FGGY: variants seen among roughly 807,000 people sequenced by gnomAD.
FGGY encodes FGGY carbohydrate kinase domain containing, also known as FGGY carbohydrate kinase domain-containing protein.
Under a neutral mutation model 71.3 loss-of-function variants are expected in FGGY, and 72 were observed. That is an observed-to-expected ratio of 1.01 (90% CI 0.84 to 1.23). FGGY has a LOEUF of 1.23. Ranked by LOEUF, FGGY falls within the 50% of genes most tolerant of loss-of-function variation. The pLI is 0.00. For missense variants in FGGY, 668 were observed against 682.3 expected (o/e 0.98, Z 0.23); for synonymous variants, 251 against 250.3 (o/e 1.00, Z -0.02).
chr1:59,442,481 C>T (rs1557938662), intron 5 of FGGY, among the ~76,000 whole-genome samples: 1 of 152,100 alleles, frequency 6.6e-6, no homozygotes, highest in Non-Finnish European at 1.5e-5. Context: ...TCCCTCTTTT[C>T]CTGTCCTTCC....
chr1:59,758,753 C>T (rs1183996628), intron 15 of FGGY, among the ~76,000 whole-genome samples: 1 of 152,168 alleles, frequency 6.6e-6, no homozygotes, highest in Non-Finnish European at 1.5e-5. Context: ...CTATAAACAA[C>T]TCATAATCCA....
intron 7 of FGGY, among the ~76,000 whole-genome samples, chr1:59,517,001 C>T (rs1301646423): frequency 2.0e-5 from 3 of 152,086 alleles, no homozygotes; most frequent in African/African-American, 7.2e-5. Flanking sequence ...GAATAAAAAT[C>T]AATGATAAAA....
At chr1:59,323,882 A>C (rs2046849838) in intron 2 of FGGY, among the ~76,000 whole-genome samples, 1 of 152,204 alleles carries the variant, frequency 6.6e-6, no homozygotes. Context: ...TGAATTTCTA[A>C]GACAAAATAC....
chr1:59,680,868 A>T (rs949977684), intron 14 of FGGY: 3 of 152,188 alleles, frequency 2.0e-5, no homozygotes, highest in Non-Finnish European at 2.9e-5. Context: ...GTAGATACAT[A>T]TACATTGCTA....
chr1:59,546,583 G>A (rs568422024), intron 7 of FGGY, among the ~76,000 whole-genome samples: 44 of 151,924 alleles, frequency 2.9e-4, no homozygotes, highest in African/African-American at 1.0e-3. Flanking sequence ...GTTTCCCAGT[G>A]CAATGGCGCG....
chr1:59,427,686 G>C (rs1330621582), intron 5 of FGGY, among the ~76,000 whole-genome samples: 1 of 152,196 alleles, frequency 6.6e-6, no homozygotes, highest in African/African-American at 2.4e-5. Context: ...AATCTGCTGA[G>C]TGCAGCAACC....
intron 7 of FGGY, among the ~76,000 whole-genome samples, chr1:59,537,803 G>A (rs1186518650): frequency 4.6e-5 from 7 of 152,132 alleles, no homozygotes; most frequent in African/African-American, 1.7e-4. Flanking sequence ...TATGGAGAAA[G>A]CTGAAACTAG....
chr1:59,669,784 G>C (rs2097361011), intron 13 of FGGY, among the ~76,000 whole-genome samples: 1 of 152,128 alleles, frequency 6.6e-6, no homozygotes, highest in African/African-American at 2.4e-5. Context: ...CAGTACTCTA[G>C]AAAATGGGAA....
At position 59,401,857 on chromosome 1, in the gene FGGY, C is replaced by T. The variant is rs1402111086; in HGVS notation, c.554+23020C>T. 6.6e-5 allele frequency among the ~76,000 whole-genome samples: 10 copies of T among 152,186 alleles called. No individual in the cohort carries two copies. The South Asian group carries it at 2.1e-3, about 32-fold the overall frequency. ...AAAGGAAACATGAGGAACAGTGAAT[C>T]GTGGTAGGATTATGGAGAGGAGGAG... On this transcript the variant is annotated intron_variant, in intron 5 of 15. Transcript: ENST00000303721.
intron 14 of FGGY, among the ~76,000 whole-genome samples, chr1:59,753,274 T>G (rs1311528021): frequency 6.6e-6 from 1 of 151,864 alleles, no homozygotes; most frequent in Non-Finnish European, 1.5e-5. Flanking sequence ...TGCAGCCAAG[T>G]GGGATCATGA....
intron 6 of FGGY, 91 bp downstream of exon 6, chr1:59,457,167 T>C: frequency 1.1e-6 from 1 of 916,338 alleles, no homozygotes; most frequent in Non-Finnish European, 1.7e-6. Flanking sequence ...TTCTTGTTTT[T>C]GTATGCATGA....
intron 9 of FGGY, among the ~76,000 whole-genome samples, chr1:59,624,639 A>G (rs1292065621): frequency 6.6e-6 from 1 of 152,178 alleles, no homozygotes; most frequent in Non-Finnish European, 1.5e-5. Flanking sequence ...CAATCATAGC[A>G]GAAGGCGAAA....
At chr1:59,350,754 C>T (rs76095104) in intron 4 of FGGY, among the ~76,000 whole-genome samples, 2,605 of 152,250 alleles carry the variant, frequency 0.017, 76 homozygotes, top group African/African-American at 0.059. Flanking sequence ...TTCTCATTCC[C>T]CTGATGATAG....
At chr1:59,460,935 AGG>A in intron 6 of FGGY, among the ~76,000 whole-genome samples, 1 of 152,306 alleles carries the variant, frequency 6.6e-6, no homozygotes, top group East Asian at 1.9e-4. Context: ...CAAAGACCAA[AGG>A]TAGATAAAAC....
intron 11 of FGGY, among the ~76,000 whole-genome samples, chr1:59,653,702 T>G (rs1003062537): frequency 6.6e-6 from 1 of 152,210 alleles, no homozygotes; most frequent in African/African-American, 2.4e-5. Context: ...AATGCGGAAA[T>G]CACCCGTCTT....
At chr1:59,654,366 C>G (rs1179815072) in intron 11 of FGGY, among the ~76,000 whole-genome samples, 1 of 152,166 alleles carries the variant, frequency 6.6e-6, no homozygotes, top group Non-Finnish European at 1.5e-5. Flanking sequence ...ATTGACTGAG[C>G]AAGCAGAGCA....
At chr1:59,708,919 C>T (rs1169641863) in intron 14 of FGGY, among the ~76,000 whole-genome samples, 1 of 152,176 alleles carries the variant, frequency 6.6e-6, no homozygotes. Flanking sequence ...TTATTTAATA[C>T]AAACATTCAA....
chr1:59,548,160 T>C (rs1390939251), intron 7 of FGGY, among the ~76,000 whole-genome samples: 1 of 152,206 alleles, frequency 6.6e-6, no homozygotes, highest in Admixed American at 6.5e-5. Context: ...AGGCTTCTGA[T>C]GCTGCAACTG....
At chr1:59,430,183 C>T (rs998621309) in intron 5 of FGGY, among the ~76,000 whole-genome samples, 9 of 152,174 alleles carry the variant, frequency 5.9e-5, no homozygotes, top group Non-Finnish European at 1.2e-4. Flanking sequence ...GAGAATTAGC[C>T]ATAATTGGGG....
Sources: gnomAD v4.1 joint callset for allele counts (sites outside exome capture counted in the v4.1 genomes callset) on GRCh38, gnomAD v4.1.1 for gene constraint, MANE v1.5 for transcripts, NCBI Gene and HGNC (gene_info 2026-07-23, HGNC 2026-07-21) for gene names.